The following ARHGAP25 variants were observed in gnomAD, a reference collection of about 807,000 sequenced individuals.
ARHGAP25 encodes Rho GTPase activating protein 25, also known as rho GTPase-activating protein 25.
ARHGAP25 carries 34 observed loss-of-function variants against 71.0 expected under a neutral mutation model. That is an observed-to-expected ratio of 0.48 (90% CI 0.36 to 0.64). ARHGAP25 has a LOEUF of 0.64. Among genes scored for constraint, ARHGAP25 ranks in the 30% least tolerant of loss-of-function variants. ARHGAP25 has a pLI of 0.00. For missense variants in ARHGAP25, 706 were observed against 805.1 expected, an observed-to-expected ratio of 0.88 and a Z score of 1.49; for synonymous variants, 282 against 296.5, an observed-to-expected ratio of 0.95 and a Z score of 0.50.
At chr2:68,806,581 A>G (rs750730329) in intron 4 of ARHGAP25, among the ~76,000 whole-genome samples, 6 of 152,256 alleles carry the variant, frequency 3.9e-5, no homozygotes, top group Non-Finnish European at 4.4e-5. Flanking sequence ...AGTAGTGTAT[A>G]TAACGTGGAT....
At chr2:68,752,747 G>GC (rs5831938) in intron 1 of ARHGAP25, among the ~76,000 whole-genome samples, 127,649 of 152,124 alleles carry the variant, frequency 0.84, 53,739 homozygotes, top group African/African-American at 0.87. Context: ...TGCAAAATGT[G>GC]CTTGATTTCT....
rs1677807931 is a variant in ARHGAP25 at position 68,775,332 on chromosome 2, C to A, written c.173C>A (p.Ser58Tyr). ...ATGGGCTGGCTGAAGAAGCAGAGGT[C>A]CATCGTGAAGAACTGGCAGCAGAGG... The part of the protein sequence containing the change: ...IKMGWLKKQR[S>Y]IVKNWQQRYF... Residue 58 changes from serine (S) to tyrosine (Y), a missense_variant, in exon 2 of 11, where the codon TCC (serine) becomes TAC (tyrosine). Coordinates refer to ENST00000409202, the MANE Select transcript of ARHGAP25 (RefSeq NM_001007231.3). The A allele has an allele frequency of 6.2e-7, 1 of 1,614,126 alleles. No homozygotes were observed. Among genetic ancestry groups the A allele is most frequent in the Admixed American group, 1.7e-5 (1 of 60,012 alleles).
At chr2:68,743,755 C>G (rs1009763264) in intron 1 of ARHGAP25, among the ~76,000 whole-genome samples, 8 of 152,134 alleles carry the variant, frequency 5.3e-5, no homozygotes, top group African/African-American at 1.7e-4. Context: ...GTGAGCGTTC[C>G]TCATTCTCTT....
intron 4 of ARHGAP25, among the ~76,000 whole-genome samples, chr2:68,794,892 C>A (rs1679428524): frequency 6.6e-6 from 1 of 152,060 alleles, no homozygotes; most frequent in Non-Finnish European, 1.5e-5. Context: ...AACTGTAAAT[C>A]CATCTGGTCC....
chr2:68,797,059 A>C (rs972181641), intron 4 of ARHGAP25, among the ~76,000 whole-genome samples: 2 of 151,938 alleles, frequency 1.3e-5, no homozygotes, highest in African/African-American at 4.8e-5. Flanking sequence ...TCCCCAGAAG[A>C]GGTATTTGGG....
intron 2 of ARHGAP25, among the ~76,000 whole-genome samples, chr2:68,721,842 G>C (rs1674769856): frequency 6.6e-6 from 1 of 152,152 alleles, no homozygotes; most frequent in African/African-American, 2.4e-5. Flanking sequence ...TGGATCCCTT[G>C]CTCTTCTCTA....
intron 2 of ARHGAP25, among the ~76,000 whole-genome samples, chr2:68,780,071 G>T (rs979356498): frequency 1.3e-5 from 2 of 152,168 alleles, no homozygotes; most frequent in African/African-American, 4.8e-5. Context: ...TTGTGATCCT[G>T]GGTCAGCTAA....
chr2:68,759,627 T>C (rs949564558), intron 1 of ARHGAP25, among the ~76,000 whole-genome samples: 2 of 136,044 alleles, frequency 1.5e-5, no homozygotes, highest in Non-Finnish European at 3.4e-5. Context: ...ATTAAAGACC[T>C]GATGTCCTCA....
chr2:68,754,727 T>C (rs1676379676), intron 1 of ARHGAP25, among the ~76,000 whole-genome samples: 1 of 152,232 alleles, frequency 6.6e-6, no homozygotes, highest in Non-Finnish European at 1.5e-5. Context: ...TGGCTGTTTC[T>C]AATTCTCACT....
chr2:68,782,903 A>T (rs886431124), intron 3 of ARHGAP25, among the ~76,000 whole-genome samples: 1 of 152,316 alleles, frequency 6.6e-6, no homozygotes, highest in South Asian at 2.1e-4. Context: ...CCACACTGAG[A>T]TGCTTCTACT....
chr2:68,788,691 G>A (rs754576614), intron 4 of ARHGAP25, among the ~76,000 whole-genome samples: 14 of 152,132 alleles, frequency 9.2e-5, no homozygotes, highest in African/African-American at 3.1e-4. Flanking sequence ...TGAAAAAACC[G>A]ACAGGTATGA....
chr2:68,757,588 A>G (rs545616083), intron 1 of ARHGAP25: 1 of 152,196 alleles, frequency 6.6e-6, no homozygotes, highest in Non-Finnish European at 1.5e-5. Context: ...AGAAATTAAG[A>G]CATTCTCAGA....
rs571112524 is a variant in ARHGAP25, at chr2:68,780,630, C to A, written c.262-1603C>A. Among the ~76,000 whole-genome samples the A allele has an allele frequency of 7.5e-4, 114 of 152,012 alleles. 3 individuals carry two copies. In the South Asian group the frequency reaches 0.023, roughly 30 times the overall value. On this transcript the variant is annotated intron_variant, in intron 2 of 10. Transcript: ENST00000409202. ...CCTTCTCCCCTTCCTTGTCTTTCATCCTCATTCTCCTCCTCCATTTGTTCT... is the reference window on the plus strand; with the variant it reads ...CCTTCTCCCCTTCCTTGTCTTTCATACTCATTCTCCTCCTCCATTTGTTCT...
intron 2 of ARHGAP25, among the ~76,000 whole-genome samples, chr2:68,728,752 A>G (rs946188870): frequency 1.3e-5 from 2 of 152,118 alleles, no homozygotes; most frequent in Non-Finnish European, 2.9e-5. Flanking sequence ...ATAAGTAAAC[A>G]TAAGTAAATA....
In ARHGAP25 at chr2:68,796,301, A is replaced by G. The variant is rs549612994; in HGVS notation, c.466+8345A>G. On this transcript the variant is annotated intron_variant, in intron 4 of 10. Coordinates refer to ENST00000409202, the MANE Select transcript of ARHGAP25 (RefSeq NM_001007231.3). The stretch of plus-strand genomic sequence containing the variant: ...TTGCATCTAATTAGGCTTCCTTAAA[A>G]TCAATATTTTGGATTCTTTATCTGG... 1.1e-3 allele frequency among the ~76,000 whole-genome samples: 163 copies of G among 152,298 alleles called. 4 individuals are homozygous for G. In the South Asian group the frequency reaches 0.032, roughly 30 times the overall value.
At chr2:68,774,702 A>G in intron 1 of ARHGAP25, 1 of 990,374 alleles carries the variant, frequency 1.0e-6, no homozygotes, top group East Asian at 1.1e-4. Flanking sequence ...GCGAGGTTGG[A>G]GCTAACAGCT....
chr2:68,799,155 CA>C (rs1393221925), intron 4 of ARHGAP25, among the ~76,000 whole-genome samples: 3 of 152,052 alleles, frequency 2.0e-5, no homozygotes, highest in African/African-American at 7.2e-5. Flanking sequence ...GCAACATTGC[CA>C]GGGGGTGGGA....
chr2:68,826,043 T>C lies in ARHGAP25; in HGVS notation c.1790T>C (p.Leu597Pro), dbSNP rs752996315. 9.9e-6 allele frequency: 16 copies of C among 1,613,806 alleles called. No homozygotes were observed. The highest frequency in any genetic ancestry group is 1.4e-5 in the Non-Finnish European group (16 of 1,179,964). Residue 597 changes from leucine (L) to proline (P), a missense_variant, in exon 11 of 11, where the codon CTG becomes CCG. Coordinates refer to ENST00000409202, the MANE Select transcript of ARHGAP25 (RefSeq NM_001007231.3). ...WAKVVRLNEE[L>P]EKEKKKSAAL... ...AAAGTGGTGAGGCTCAATGAAGAAC[T>C]GGAGAAGGAAAAGAAGAAGTCTGCA...
At position 68,822,635 on chromosome 2, in the gene ARHGAP25, G is replaced by A. The variant is rs781613158; in HGVS notation, c.1496G>A (p.Arg499Gln). The change falls in exon 10 of 11, where the codon CGG becomes CAG. Residue 499 changes from arginine to glutamine, a missense_variant. Coordinates refer to ENST00000409202, the MANE Select transcript of ARHGAP25 (RefSeq NM_001007231.3). ...QDLRQLSDSQ[R>Q]TSTYDNVPSL... Reference sequence around the variant, plus strand: ...TTGCGCCAACTTTCTGACTCCCAACGGACTTCCACCTACGATAACGTCCCT... The same window carrying A: ...TTGCGCCAACTTTCTGACTCCCAACAGACTTCCACCTACGATAACGTCCCT... 18 of 1,613,990 alleles carry A rather than the reference G, an allele frequency of 1.1e-5. No homozygotes were observed. Among genetic ancestry groups the A allele is most frequent in the Middle Eastern group, 1.6e-4 (1 of 6,084 alleles).
Sources: gnomAD v4.1 joint callset for allele counts (sites outside exome capture counted in the v4.1 genomes callset) on GRCh38, gnomAD v4.1.1 for gene constraint, MANE v1.5 for transcripts, NCBI Gene and HGNC (gene_info 2026-07-23, HGNC 2026-07-21) for gene names.